The following ATM variants were observed in gnomAD, a reference collection of about 807,000 sequenced individuals.
ATM encodes ATM serine/threonine kinase, also known as serine-protein kinase ATM.
In ATM, 308 loss-of-function variants were observed where a neutral mutation model predicts 387.0. That is an observed-to-expected ratio of 0.80 (90% CI 0.73 to 0.87). ATM has a LOEUF of 0.87. ATM is among the 40% of genes least tolerant of loss of function. The probability of loss-of-function intolerance (pLI) is 0.00; values close to 1 mark genes in which losing one functional copy is unlikely to be tolerated. For missense variants in ATM, 3,312 were observed against 3,560.9 expected, an observed-to-expected ratio of 0.93 and a Z score of 1.78; for synonymous variants, 1,156 against 1,187.3, an observed-to-expected ratio of 0.97 and a Z score of 0.54.
intron 20 of ATM, 35 bp downstream of exon 20, chr11:108,271,441 T>G: frequency 6.2e-7 from 1 of 1,613,540 alleles, no homozygotes. Context: ...CTATTTTTCT[T>G]TTGCTATCTG....
In ATM at chr11:108,268,590, A is replaced by G. The variant is rs762078586; in HGVS notation, c.2819A>G (p.Lys940Arg). 5 of 1,614,012 alleles carry G rather than the reference A, an allele frequency of 3.1e-6. No homozygotes were observed. In the South Asian group the frequency reaches 4.4e-5, roughly 14 times the overall value. The stretch of plus-strand genomic sequence containing the variant: ...GATTCTAGCACGCTAGAACCTACCA[A>G]ATCCCTCCACCTGCATATGGTGAGT... The part of the protein sequence containing the change: ...LIDSSTLEPT[K>R]SLHLHMYLML... The change falls in exon 18 of 63, where the codon AAA becomes AGA. Residue 940 changes from lysine to arginine, a missense_variant. This residue lies in a region of ATM where 1,791 missense variants were observed against 1,804.5 expected (regional missense o/e 0.99). Transcript: ENST00000675843.
At chr11:108,287,534 T>C (rs868188534) in intron 26 of ATM, 66 bp from the exon 27 acceptor site, 1 of 1,066,200 alleles carries the variant, frequency 9.4e-7, no homozygotes. Flanking sequence ...AATATATGCC[T>C]TTTGAGCTGT....
intron 44 of ATM, among the ~76,000 whole-genome samples, chr11:108,320,450 A>G (rs1172490453): frequency 2.0e-5 from 3 of 152,250 alleles, no homozygotes; most frequent in Non-Finnish European, 4.4e-5. Flanking sequence ...GGAAATAATT[A>G]TAATGGGGTA....
rs375654664 is a variant in ATM, at chr11:108,292,741, T to C, written c.4559T>C (p.Ile1520Thr). 1.2e-6 allele frequency: 2 copies of C among 1,614,104 alleles called. No individual in the cohort carries two copies. The highest frequency in any genetic ancestry group is 2.7e-5 in the African/African-American group (2 of 75,050). ...GCTCTAGAAAACCATCTTCATGTTA[T>C]TGTTGGTACACTTATACCCCTTGTG... is the stretch of plus-strand genomic sequence containing the variant. ...KDALENHLHV[I>T]VGTLIPLVYE... is the part of the protein sequence containing the mutation. Residue 1520 changes from isoleucine to threonine, a missense_variant, in exon 30 of 63, where the codon ATT (isoleucine) becomes ACT (threonine). By Grantham distance (89) the Ile-to-Thr change is moderately conservative. Transcript: ENST00000675843.
At chr11:108,266,163 C>T (rs228605) in intron 16 of ATM, among the ~76,000 whole-genome samples, 72,353 of 138,974 alleles carry the variant, frequency 0.52, 19,477 homozygotes, top group Middle Eastern at 0.74. Context: ...TAAATCATGC[C>T]GCTATAAAGA....
chr11:108,357,290 T>G (rs1591331205), intron 61 of ATM, among the ~76,000 whole-genome samples: 1 of 150,924 alleles, frequency 6.6e-6, no homozygotes, highest in South Asian at 2.1e-4. Flanking sequence ...GCTTGGAGGG[T>G]CCTACGCCCA....
chr11:108,269,831 G>A (rs892790874), intron 18 of ATM, among the ~76,000 whole-genome samples: 1 of 152,200 alleles, frequency 6.6e-6, no homozygotes, highest in East Asian at 1.9e-4. Flanking sequence ...ATCCCTTAGA[G>A]TGAGAAGACA....
intron 47 of ATM, among the ~76,000 whole-genome samples, chr11:108,327,174 G>C (rs557715384): frequency 4.6e-5 from 7 of 152,102 alleles, no homozygotes; most frequent in Non-Finnish European, 1.0e-4. Context: ...AGCATCTTCT[G>C]TTATTAGAGA....
At chr11:108,283,155 A>G (rs1465006129) in intron 25 of ATM, among the ~76,000 whole-genome samples, 2 of 152,216 alleles carry the variant, frequency 1.3e-5, no homozygotes, top group East Asian at 3.8e-4. Flanking sequence ...TAATATGTAA[A>G]GTAAGCAAGT....
At chr11:108,272,484 C>A in intron 20 of ATM, 48 bp from the exon 21 acceptor site, 2 of 1,463,820 alleles carry the variant, frequency 1.4e-6, no homozygotes, top group Non-Finnish European at 1.9e-6. Flanking sequence ...TTTCTGAGTG[C>A]TTTTATCAGA....
chr11:108,339,363 T>C (rs953029638), intron 56 of ATM, among the ~76,000 whole-genome samples: 1 of 152,162 alleles, frequency 6.6e-6, no homozygotes, highest in Admixed American at 6.5e-5. Context: ...TTCCTTGTCA[T>C]GCATATTTCA....
chr11:108,353,996 G>GT, intron 60 of ATM, 116 bp downstream of exon 60: 1 of 1,029,032 alleles, frequency 9.7e-7, no homozygotes, highest in Non-Finnish European at 1.5e-6. Flanking sequence ...TGGGAGGATT[G>GT]TTTGAGCCCA....
chr11:108,241,031 AATGAAATTATTATT>A (rs2079529633), intron 5 of ATM, among the ~76,000 whole-genome samples: 1 of 152,104 alleles, frequency 6.6e-6, no homozygotes, highest in African/African-American at 2.4e-5. Context: ...AAGCTTTTTA[AATGAAATTATTATT>A]ACTCTATTTT....
chr11:108,284,496 C>G, intron 26 of ATM, 23 bp downstream of exon 26: 3 of 1,612,734 alleles, frequency 1.9e-6, no homozygotes, highest in Non-Finnish European at 2.5e-6. Flanking sequence ...TTTTTATGTA[C>G]TTTTCATTCC....
At chr11:108,233,873 A>G (rs988576146) in intron 4 of ATM, among the ~76,000 whole-genome samples, 4 of 152,148 alleles carry the variant, frequency 2.6e-5, no homozygotes, top group African/African-American at 9.7e-5. Flanking sequence ...CTATGAAAAA[A>G]AAGTCAACAT....
At chr11:108,311,832 G>A (rs1591755646) in intron 39 of ATM, among the ~76,000 whole-genome samples, 1 of 152,116 alleles carries the variant, frequency 6.6e-6, no homozygotes, top group Non-Finnish European at 1.5e-5. Flanking sequence ...CATGGTTTTA[G>A]AATTGAAGTT....
rs2079702502 is a variant in ATM, at chr11:108,244,032, T to A, written c.576T>A (p.His192Gln). 1.9e-6 allele frequency: 3 copies of A among 1,613,342 alleles called. No homozygotes were observed. The highest frequency in any genetic ancestry group is 2.5e-6 in the Non-Finnish European group (3 of 1,179,746). The change falls in exon 6 of 63, where the codon CAT becomes CAA. Residue 192 changes from histidine (H) to glutamine (Q), a missense_variant. His to Gln is a conservative substitution (Grantham distance 24). Coordinates refer to ENST00000675843, the MANE Select transcript of ATM (RefSeq NM_000051.4). ...GAGTTTTAGTGGCTAGAATAATTCATGCTGTTACCAAAGGATGCTGTTCTC... is the reference window on the plus strand; with the variant it reads ...GAGTTTTAGTGGCTAGAATAATTCAAGCTGTTACCAAAGGATGCTGTTCTC... ...VHRVLVARIIHAVTKGCCSQT... is the reference protein window; with the variant it reads ...VHRVLVARIIQAVTKGCCSQT...
rs1203037698 is a variant in ATM, at chr11:108,343,343, G to A, written c.8390G>A (p.Ser2797Asn). The A allele has an allele frequency of 6.2e-7, 1 of 1,613,908 alleles. No homozygotes were observed. The highest frequency in any genetic ancestry group is 8.5e-7 in the Non-Finnish European group (1 of 1,179,854). Residue 2797 changes from serine to asparagine, a missense_variant, in exon 57 of 63, where the codon AGT becomes AAT. By Grantham distance (46) the Ser-to-Asn change is conservative. This residue lies in a region of ATM where 1,405 missense variants were observed against 1,604.4 expected (regional missense o/e 0.88). Coordinates refer to ENST00000675843, the MANE Select transcript of ATM (RefSeq NM_000051.4). ...AAAAGATACAGGCCAAATGATTTCA[G>A]TGCCTTTCAGTGCCAAAAGAAAATG... Reference protein sequence around the residue: ...AHKRYRPNDFSAFQCQKKMME... With the variant: ...AHKRYRPNDFNAFQCQKKMME...
At chr11:108,355,018 A>G in intron 61 of ATM, 144 bp downstream of exon 61, 1 of 713,208 alleles carries the variant, frequency 1.4e-6, no homozygotes, top group Non-Finnish European at 2.4e-6. Context: ...GAGATTGTGC[A>G]CTTAGCCTTT....
Sources: allele counts gnomAD v4.1 joint callset (sites outside exome capture counted in the v4.1 genomes callset), GRCh38; gene constraint gnomAD v4.1.1; regional missense constraint gnomAD v4.1.1; transcripts MANE v1.5; gene names NCBI Gene and HGNC (gene_info 2026-07-23, HGNC 2026-07-21).